Variants in GPR158 observed in about 807,000 individuals in gnomAD.
GPR158 encodes the protein G protein-coupled receptor 158.
GPR158 carries 30 observed loss-of-function variants against 78.2 expected under a neutral mutation model. The ratio of observed to expected loss-of-function variants is 0.38; its 90% CI spans 0.29 to 0.52. GPR158 has a LOEUF of 0.52. Ranked by LOEUF, GPR158 falls within the 20% of genes least tolerant of loss-of-function variation. GPR158 has a pLI of 0.83. For missense variants in GPR158, 1,463 were observed against 1,523.5 expected (o/e 0.96, Z 0.66); for synonymous variants, 581 against 591.1 (o/e 0.98, Z 0.25).
chr10:25,295,606 G>A lies in GPR158; in HGVS notation c.1008+74449G>A, dbSNP rs942762347. Among the ~76,000 whole-genome samples, 8 of 152,076 alleles carry A rather than the reference G, an allele frequency of 5.3e-5. No homozygotes were observed. In the East Asian group the frequency reaches 1.6e-3, roughly 29 times the overall value. Reference sequence around the variant, plus strand: ...TTTTTTGTATTTTTAGTAGAGACAGGGTTTCACCATGTTAGCCAGGATGGT... The same window carrying A: ...TTTTTTGTATTTTTAGTAGAGACAGAGTTTCACCATGTTAGCCAGGATGGT... On this transcript the variant is annotated intron_variant, in intron 2 of 10. Coordinates refer to ENST00000376351, the MANE Select transcript of GPR158 (RefSeq NM_020752.3).
At position 25,252,701 on chromosome 10, in the gene GPR158, C is replaced by T. The variant is rs372160755; in HGVS notation, c.1008+31544C>T. Among the ~76,000 whole-genome samples, 1,507 of 152,200 alleles carry T rather than the reference C, an allele frequency of 9.9e-3. 16 individuals carry two copies. The highest frequency in any genetic ancestry group is 0.055 in the South Asian group (263 of 4,806). On this transcript the variant is annotated intron_variant, in intron 2 of 10. Transcript: ENST00000376351. ...GATCTCCAGCTGCGTGCTGGGAGAACCACTGCTCCCTTCAAAGCTGTCAGA... is the reference window on the plus strand; with the variant it reads ...GATCTCCAGCTGCGTGCTGGGAGAATCACTGCTCCCTTCAAAGCTGTCAGA...
chr10:25,179,753 CT>C (rs1242438509), intron 1 of GPR158, among the ~76,000 whole-genome samples: 1 of 152,018 alleles, frequency 6.6e-6, no homozygotes, highest in Non-Finnish European at 1.5e-5. Flanking sequence ...TTTCTTGAGT[CT>C]TTTGTTACAT....
At chr10:25,353,062 G>A (rs1855496982) in intron 2 of GPR158, among the ~76,000 whole-genome samples, 2 of 152,088 alleles carry the variant, frequency 1.3e-5, no homozygotes, top group East Asian at 1.9e-4. Flanking sequence ...CAGTATTGCC[G>A]TGATAATGGC....
In GPR158 at chr10:25,566,931, C is replaced by G. The variant is rs1350987528; in HGVS notation, c.1515-5718C>G. Among the ~76,000 whole-genome samples the G allele has an allele frequency of 2.6e-5, 4 of 151,988 alleles. No individual in the cohort carries two copies. In the East Asian group the frequency reaches 7.7e-4, roughly 29 times the overall value. ...CTTTTTGAATTGTTAGCTCTCAGGACTCTTTTGTCAATAATTGATTGGCTT... is the reference window on the plus strand; with the variant it reads ...CTTTTTGAATTGTTAGCTCTCAGGAGTCTTTTGTCAATAATTGATTGGCTT... On this transcript the variant is annotated intron_variant, in intron 6 of 10. Transcript: ENST00000376351.
intron 2 of GPR158, among the ~76,000 whole-genome samples, chr10:25,359,420 C>A (rs956750994): frequency 2.6e-5 from 4 of 152,116 alleles, no homozygotes; most frequent in Middle Eastern, 3.4e-3. Context: ...CCCCCCAACC[C>A]CTGACAGGCC....
intron 6 of GPR158, among the ~76,000 whole-genome samples, chr10:25,563,794 A>G (rs1366046579): frequency 8.4e-6 from 1 of 118,622 alleles, no homozygotes; most frequent in Non-Finnish European, 1.6e-5. Flanking sequence ...ATTTATACTT[A>G]TTGTTTTATG....
intron 4 of GPR158, among the ~76,000 whole-genome samples, chr10:25,452,184 C>T (rs1382503844): frequency 6.7e-6 from 1 of 149,414 alleles, no homozygotes; most frequent in Admixed American, 6.6e-5. Context: ...ACAACAGATG[C>T]GTGCCACCAT....
At chr10:25,588,689 A>G (rs1837302162) in intron 7 of GPR158, among the ~76,000 whole-genome samples, 1 of 152,212 alleles carries the variant, frequency 6.6e-6, no homozygotes, top group Non-Finnish European at 1.5e-5. Context: ...AACTTAGGTT[A>G]GGGATATGGA....
chr10:25,327,959 T>C lies in GPR158; in HGVS notation c.1009-67952T>C, dbSNP rs184279342. On this transcript the variant is annotated intron_variant, in intron 2 of 10. Coordinates refer to ENST00000376351, the MANE Select transcript of GPR158 (RefSeq NM_020752.3). ...TCGTTATTGACCCTATTCCTCTAGC[T>C]TAACTTAATGGTTTGGTAGCTAGGG... Among the ~76,000 whole-genome samples the C allele has an allele frequency of 3.3e-3, 503 of 152,352 alleles. 2 individuals carry two copies. Among genetic ancestry groups the C allele is most frequent in the African/African-American group, 0.011 (464 of 41,592 alleles).
chr10:25,414,038 C>G (rs768967376), intron 4 of GPR158, among the ~76,000 whole-genome samples: 1 of 151,318 alleles, frequency 6.6e-6, no homozygotes, highest in Non-Finnish European at 1.5e-5. Flanking sequence ...AAAGGTCTGT[C>G]TAACAAACTT....
intron 6 of GPR158, among the ~76,000 whole-genome samples, chr10:25,561,189 A>G (rs369790153): frequency 1.6e-4 from 24 of 152,178 alleles, no homozygotes; most frequent in African/African-American, 5.5e-4. Context: ...TCTGTAATAA[A>G]TTTGTTTTTA....
intron 5 of GPR158, among the ~76,000 whole-genome samples, chr10:25,546,012 G>A (rs931043780): frequency 2.0e-5 from 3 of 152,136 alleles, no homozygotes; most frequent in Non-Finnish European, 4.4e-5. Context: ...AGTAAATAAC[G>A]TGCAAATAAG....
At chr10:25,478,493 C>CGTAT (rs1554807419) in intron 5 of GPR158, among the ~76,000 whole-genome samples, 2 of 145,190 alleles carry the variant, frequency 1.4e-5, no homozygotes, top group African/African-American at 5.0e-5. Flanking sequence ...ATATATAATG[C>CGTAT]GTGTGTGTGT....
At chr10:25,489,933 TGAAA>T (rs1447749842) in intron 5 of GPR158, among the ~76,000 whole-genome samples, 1 of 152,158 alleles carries the variant, frequency 6.6e-6, no homozygotes, top group African/African-American at 2.4e-5. Flanking sequence ...TTTGTGACCT[TGAAA>T]GATTTACTGA....
At position 25,208,641 on chromosome 10, in the gene GPR158, C is replaced by G. The variant is rs147569612; in HGVS notation, c.903-12411C>G. ...AGAAGTAAAAGACCAGAGAGAAGCA[C>G]TGGAACTGTGTCACATTGTGCTGGC... On this transcript the variant is annotated intron_variant, in intron 1 of 10. Transcript: ENST00000376351. Among the ~76,000 whole-genome samples the G allele has an allele frequency of 2.2e-3, 336 of 150,946 alleles. 3 individuals carry two copies. The highest frequency in any genetic ancestry group is 7.9e-3 in the African/African-American group (325 of 40,990).
At chr10:25,199,920 G>A (rs1396546241) in intron 1 of GPR158, among the ~76,000 whole-genome samples, 2 of 152,198 alleles carry the variant, frequency 1.3e-5, no homozygotes, top group African/African-American at 2.4e-5. Context: ...TACTGTTGAT[G>A]GGCACTTAGG....
At chr10:25,381,640 G>A (rs983301877) in intron 2 of GPR158, among the ~76,000 whole-genome samples, 1 of 152,184 alleles carries the variant, frequency 6.6e-6, no homozygotes, top group African/African-American at 2.4e-5. Flanking sequence ...GCATATGGGT[G>A]TAGGTTTAGT....
chr10:25,596,735 C>T lies in GPR158; in HGVS notation c.2091C>T (p.Asn697=), dbSNP rs751313409. ...TGGGCCGATCTGGATCCTACCTGAACAGCAGTATCAATTCAGCCTGGAGTG... is the reference window on the plus strand; with the variant it reads ...TGGGCCGATCTGGATCCTACCTGAATAGCAGTATCAATTCAGCCTGGAGTG... ...LDMGRSGSYL[N]SSINSAWSEH... Residue 697 remains asparagine (N), a synonymous_variant, in exon 10 of 11, where the codon AAC becomes AAT. Transcript: ENST00000376351. 6.2e-7 allele frequency: 1 copy of T among 1,613,424 alleles called. No homozygotes were observed. The highest frequency in any genetic ancestry group is 8.5e-7 in the Non-Finnish European group (1 of 1,179,572).
At chr10:25,352,205 C>T (rs1855484845) in intron 2 of GPR158, among the ~76,000 whole-genome samples, 1 of 151,998 alleles carries the variant, frequency 6.6e-6, no homozygotes, top group Admixed American at 6.6e-5. Flanking sequence ...TCATTAAATA[C>T]TGTGAATATC....
Sources: allele counts gnomAD v4.1 joint callset (sites outside exome capture counted in the v4.1 genomes callset), GRCh38; gene constraint gnomAD v4.1.1; transcripts MANE v1.5; gene names NCBI Gene and HGNC (gene_info 2026-07-23, HGNC 2026-07-21).